Variants in KRTDAP observed in about 807,000 individuals in gnomAD.
KRTDAP encodes the protein keratinocyte differentiation-associated protein.
KRTDAP carries 14 observed loss-of-function variants against 18.6 expected under a neutral mutation model. That is an observed-to-expected ratio of 0.75 (90% CI 0.50 to 1.18). The LOEUF (loss-of-function observed/expected upper bound fraction) is 1.18. KRTDAP is among the 50% of genes most tolerant of loss of function. KRTDAP has a pLI of 0.00. For synonymous variants in KRTDAP, 53 were observed against 49.5 expected (o/e 1.07, Z -0.29); for missense variants, 114 against 121.3 (o/e 0.94, Z 0.28).
chr19:35,490,431 C>T lies in KRTDAP; in HGVS notation c.12G>A (p.Pro4=), dbSNP rs756978784. Residue 4 remains proline, a synonymous_variant, in exon 1 of 6, where the codon CCG becomes CCA. Transcript: ENST00000338897. ...AGAGGAGCACCACGGCAGGAAGGAC[C>T]GGGATCTTCATGGCGTCAAGTTTGG... The part of the protein sequence containing the change: MKI[P]VLPAVVLLSL... The T allele has an allele frequency of 9.9e-6, 16 of 1,613,014 alleles. No individual in the cohort carries two copies. The highest frequency in any genetic ancestry group is 6.7e-5 in the East Asian group (3 of 44,860).
At chr19:35,487,671 A>G (rs199828843) in intron 5 of KRTDAP, 41 bp downstream of exon 5, 24 of 1,543,140 alleles carry the variant, frequency 1.6e-5, no homozygotes, top group Non-Finnish European at 2.1e-5. Context: ...TTCTTCCCTT[A>G]CCCCCAAGCT....
At chr19:35,487,808 C>T (rs1039170440) in intron 4 of KRTDAP, 49 bp from the exon 5 acceptor site, 7 of 1,261,578 alleles carry the variant, frequency 5.5e-6, no homozygotes, top group African/African-American at 1.5e-5. Flanking sequence ...GTCAGCCGGG[C>T]ATGGATGGGT....
chr19:35,487,449 G>A lies in KRTDAP; in HGVS notation c.279C>T (p.Ser93=), dbSNP rs528674557. The A allele has an allele frequency of 2.8e-5, 46 of 1,614,070 alleles. No individual in the cohort carries two copies. The South Asian group carries it at 4.0e-4, about 14-fold the overall frequency. ...DAFPKLKGLR[S]ATPDAQ is the part of the protein sequence containing the mutation. ...ATGGTCACTGGGCATCAGGAGTTGC[G>A]CTCCTCAGTCCTTTCAGCTAGAGGG... Residue 93 remains serine, a synonymous_variant, in exon 6 of 6, where the codon AGC becomes AGT. Coordinates refer to ENST00000338897, the MANE Select transcript of KRTDAP (RefSeq NM_207392.3).
At position 35,487,804 on chromosome 19, in the gene KRTDAP, C is replaced by T. The variant is rs559700488; in HGVS notation, c.214-45G>A. ...AGAGAGTGATGTGTTGCAGGTCAGC[C>T]GGGCATGGATGGGTAAGCATTCCCT... On this transcript the variant is annotated intron_variant, in intron 4 of 5. Transcript: ENST00000338897. 11 of 1,373,166 alleles carry T rather than the reference C, an allele frequency of 8.0e-6. 1 individual carries two copies. The highest frequency in any genetic ancestry group is 1.8e-4 in the Middle Eastern group (1 of 5,628). The allele number at this position is 1,373,166 out of a possible 1,614,324, so 85.1% of individuals were successfully genotyped here.
rs749788917 is a variant in KRTDAP at position 35,488,839 on chromosome 19, T to C, written c.89A>G (p.Glu30Gly). 1 of 1,613,916 alleles carries C rather than the reference T, an allele frequency of 6.2e-7. No individual in the cohort carries two copies. The highest frequency in any genetic ancestry group is 8.5e-7 in the Non-Finnish European group (1 of 1,180,014). The change falls in exon 2 of 6, where the codon GAA becomes GGA. Residue 30 changes from glutamate (E) to glycine (G), a missense_variant and splice_region_variant. Coordinates refer to ENST00000338897, the MANE Select transcript of KRTDAP (RefSeq NM_207392.3). ...AQGATLGGPE[E>G]ESTIENYASR... Reference sequence around the variant, plus strand: ...CGCATAATTCTCAATGGTGCTTTCTTCCTGGAAAAGGAGAGGGAGAAAAGG... The same window carrying C: ...CGCATAATTCTCAATGGTGCTTTCTCCCTGGAAAAGGAGAGGGAGAAAAGG...
chr19:35,488,075 CAG>C (rs1271094511), intron 4 of KRTDAP, among the ~76,000 whole-genome samples: 1 of 152,192 alleles, frequency 6.6e-6, no homozygotes, highest in Non-Finnish European at 1.5e-5. Flanking sequence ...GAAGTCAGTG[CAG>C]AGTCAGGAGA....
intron 4 of KRTDAP, 56 bp from the exon 5 acceptor site, chr19:35,487,815 G>T (rs2067500069): frequency 6.2e-6 from 7 of 1,126,064 alleles, no homozygotes; most frequent in Non-Finnish European, 9.5e-6. Context: ...GGGCATGGAT[G>T]GGTAAGCATT....
chr19:35,488,508 G>T, intron 3 of KRTDAP, 23 bp from the exon 4 acceptor site: 1 of 1,613,862 alleles, frequency 6.2e-7, no homozygotes, highest in East Asian at 2.2e-5. Context: ...AGAGACAGCA[G>T]AAGCAGGTCA....
At chr19:35,488,952 C>A in intron 1 of KRTDAP, 112 bp from the exon 2 acceptor site, 1 of 984,596 alleles carries the variant, frequency 1.0e-6, no homozygotes, top group Non-Finnish European at 1.5e-6. Context: ...CCCGAAAGAA[C>A]GCAACCCATT....
intron 1 of KRTDAP, 50 bp downstream of exon 1, chr19:35,490,306 G>C (rs1427684969): frequency 1.7e-6 from 2 of 1,148,150 alleles, no homozygotes; most frequent in East Asian, 2.4e-5. Flanking sequence ...AGAGATGGAG[G>C]GGTAGGTGGG....
In KRTDAP at chr19:35,488,785, G is replaced by A; in HGVS notation, c.126+17C>T. The A allele has an allele frequency of 1.9e-6, 3 of 1,614,170 alleles. No individual in the cohort carries two copies. The highest frequency in any genetic ancestry group is 2.5e-6 in the Non-Finnish European group (3 of 1,180,010). On this transcript the variant is annotated intron_variant, in intron 2 of 5. Coordinates refer to ENST00000338897, the MANE Select transcript of KRTDAP (RefSeq NM_207392.3). ...ACAGACTCGTGGCTGGAGGGCCGGG[G>A]AAAACAGACGGCTTACCTCGGGTCG...
Position 35,487,460 on chromosome 19 carries a change from C to T in KRTDAP, c.268G>A (p.Gly90Arg), listed in dbSNP as rs758534859. ...LNWDAFPKLK[G>R]LRSATPDAQ ...GCATCAGGAGTTGCGCTCCTCAGTC[C>T]TTTCAGCTAGAGGGAGAGGGGTCAG... The change falls in exon 6 of 6, where the codon GGA becomes AGA. Residue 90 changes from glycine (G) to arginine (R), a missense_variant. Gly to Arg is a moderately radical substitution (Grantham distance 125). Transcript: ENST00000338897. The T allele has an allele frequency of 1.9e-6, 3 of 1,613,956 alleles. No individual in the cohort carries two copies. The highest frequency in any genetic ancestry group is 1.7e-6 in the Non-Finnish European group (2 of 1,179,938).
chr19:35,488,656 A>G lies in KRTDAP; in HGVS notation c.168+6T>C. 4 of 1,614,124 alleles carry G rather than the reference A, an allele frequency of 2.5e-6. No homozygotes were observed. Among genetic ancestry groups the G allele is most frequent in the Non-Finnish European group, 2.5e-6 (3 of 1,180,010 alleles). On this transcript the variant is annotated splice_donor_region_variant and intron_variant, in intron 3 of 5. Coordinates refer to ENST00000338897, the MANE Select transcript of KRTDAP (RefSeq NM_207392.3). ...CGTGGGGGTAGCACCAGAGAAGCGT[A>G]CTCACAGATCGCAATTTGTCGATGT... is the stretch of plus-strand genomic sequence containing the variant.
intron 4 of KRTDAP, 32 bp from the exon 5 acceptor site, chr19:35,487,791 G>A (rs1295161869): frequency 1.9e-6 from 3 of 1,549,776 alleles, no homozygotes; most frequent in Admixed American, 1.7e-5. Flanking sequence ...AGAGTGATGT[G>A]TTGCAGGTCA....
chr19:35,487,476 GA>G lies in KRTDAP; in HGVS notation c.262-11del, dbSNP rs2067497564. The G allele has an allele frequency of 2.5e-6, 4 of 1,613,526 alleles. No individual in the cohort carries two copies. The highest frequency in any genetic ancestry group is 3.4e-6 in the Non-Finnish European group (4 of 1,179,556). On this transcript the variant is annotated splice_polypyrimidine_tract_variant and intron_variant, in intron 5 of 5. Transcript: ENST00000338897. ...TCCTCAGTCCTTTCAGCTAGAGGGAGAGGGGTCAGGGTTAGATGGGGAACCC... is the reference window on the plus strand; with the variant it reads ...TCCTCAGTCCTTTCAGCTAGAGGGAGGGGGTCAGGGTTAGATGGGGAACCC...
intron 1 of KRTDAP, among the ~76,000 whole-genome samples, chr19:35,489,956 T>C (rs2145782194): frequency 6.6e-6 from 1 of 152,274 alleles, no homozygotes; most frequent in Middle Eastern, 3.4e-3. Context: ...GATGCAGGCC[T>C]GGGTTTGGAG....
chr19:35,487,574 A>G (rs536603543), intron 5 of KRTDAP, 108 bp from the exon 6 acceptor site: 2 of 1,186,068 alleles, frequency 1.7e-6, no homozygotes, highest in East Asian at 4.7e-5. Context: ...GTTCTCCTCT[A>G]TATGTAGTAG....
intron 1 of KRTDAP, 89 bp downstream of exon 1, chr19:35,490,267 C>A: frequency 1.3e-6 from 1 of 776,340 alleles, no homozygotes. Flanking sequence ...AAACTAAGAG[C>A]CACTTATCCA....
Position 35,488,327 on chromosome 19 carries a change from C to A in KRTDAP, c.213+114G>T. On this transcript the variant is annotated intron_variant, in intron 4 of 5. Transcript: ENST00000338897. Reference sequence around the variant, plus strand: ...TTGGGCAGCATCCAGGCAGGACAGTCACTCCCTCCCAGAGATCAGGAACCA... The same window carrying A: ...TTGGGCAGCATCCAGGCAGGACAGTAACTCCCTCCCAGAGATCAGGAACCA... The A allele has an allele frequency of 3.7e-6, 4 of 1,070,024 alleles. No individual in the cohort carries two copies. The East Asian group carries it at 7.6e-5, about 20-fold the overall frequency. 66.3% of individuals were successfully genotyped at this position (1,070,024 alleles called of 1,614,324 possible).
Sources: allele counts gnomAD v4.1 joint callset (sites outside exome capture counted in the v4.1 genomes callset), GRCh38; gene constraint gnomAD v4.1.1; transcripts MANE v1.5; gene names NCBI Gene and HGNC (gene_info 2026-07-23, HGNC 2026-07-21).